Variants in MTHFD1 observed in about 807,000 individuals in gnomAD.
MTHFD1 encodes the protein C-1-tetrahydrofolate synthase, cytoplasmic.
A neutral mutation model predicts 110.3 loss-of-function variants in MTHFD1; 44 were observed. The ratio of observed to expected loss-of-function variants is 0.40; its 90% CI spans 0.31 to 0.51. MTHFD1 has a LOEUF of 0.51. MTHFD1 is among the 20% of genes least tolerant of loss of function. MTHFD1 has a pLI of 0.60. For missense variants in MTHFD1, 909 were observed against 1,173.1 expected, an observed-to-expected ratio of 0.77 and a Z score of 3.29; for synonymous variants, 402 against 428.8, an observed-to-expected ratio of 0.94 and a Z score of 0.77.
rs76766061 is a variant in MTHFD1, at chr14:64,408,198, A to G, written c.127-2892A>G. 6.5e-3 allele frequency among the ~76,000 whole-genome samples: 981 copies of G among 151,618 alleles called. 5 individuals carry two copies. The highest frequency in any genetic ancestry group is 0.022 in the African/African-American group (899 of 41,350). ...CAGAAAGTTTGCAGACTCCTGGTAT[A>G]AAAAAAAAGTGTCCCTAACCTGTTC... On this transcript the variant is annotated intron_variant, in intron 2 of 27. Coordinates refer to ENST00000652337, the MANE Select transcript of MTHFD1 (RefSeq NM_005956.4).
rs1177418440 is a variant in MTHFD1 at position 64,417,859 on chromosome 14, A to C, written c.479-29A>C. 15 of 1,611,768 alleles carry C rather than the reference A, an allele frequency of 9.3e-6. No individual in the cohort carries two copies. Among genetic ancestry groups the C allele is most frequent in the African/African-American group, 2.7e-5 (2 of 74,768 alleles). Reference sequence around the variant, plus strand: ...GAAGGAGGGCAGCTTCTATCCTCCAACTCTGATGCAGGCTGGCTTTTCTTT... The same window carrying C: ...GAAGGAGGGCAGCTTCTATCCTCCACCTCTGATGCAGGCTGGCTTTTCTTT... On this transcript the variant is annotated intron_variant, in intron 6 of 27. Transcript: ENST00000652337. The surrounding 1 kb of genome is among the most constrained non-coding windows in gnomAD (Gnocchi z 4.4).
intron 1 of MTHFD1, among the ~76,000 whole-genome samples, chr14:64,390,944 G>C (rs566273524): frequency 6.6e-6 from 1 of 151,608 alleles, no homozygotes. Context: ...CCACTGCACC[G>C]GTCCTAGAAT....
At chr14:64,392,084 CAA>C (rs1488356771) in intron 1 of MTHFD1, among the ~76,000 whole-genome samples, 2 of 152,184 alleles carry the variant, frequency 1.3e-5, no homozygotes, top group East Asian at 1.9e-4. Context: ...GACTTACGGG[CAA>C]AGACTTGAAG....
At chr14:64,389,285 G>C (rs554101235) in intron 1 of MTHFD1, among the ~76,000 whole-genome samples, 1 of 152,192 alleles carries the variant, frequency 6.6e-6, no homozygotes, top group South Asian at 2.1e-4. Flanking sequence ...ACCTTACTGA[G>C]TTTGCTCTTG....
intron 1 of MTHFD1, among the ~76,000 whole-genome samples, chr14:64,392,230 A>C (rs2077812105): frequency 6.6e-6 from 1 of 152,214 alleles, no homozygotes; most frequent in African/African-American, 2.4e-5. Flanking sequence ...TGGCCCTGTG[A>C]GAAGCTGACC....
At chr14:64,450,255 T>C (rs551154524) in intron 24 of MTHFD1, among the ~76,000 whole-genome samples, 1 of 152,364 alleles carries the variant, frequency 6.6e-6, no homozygotes, top group South Asian at 2.1e-4. Flanking sequence ...TGTAATTCAC[T>C]GTAGCCTTTA....
chr14:64,404,214 T>A (rs1000596521), intron 2 of MTHFD1, among the ~76,000 whole-genome samples: 12 of 152,214 alleles, frequency 7.9e-5, no homozygotes, highest in African/African-American at 2.7e-4. Context: ...AAATCTAGAT[T>A]TCTTCTGAGC....
At position 64,419,900 on chromosome 14, in the gene MTHFD1, C is replaced by T. The variant is rs185597571; in HGVS notation, c.702C>T (p.Ile234=). ...GGATCAAACCTGGGGCAATAGTCAT[C>T]GACTGTGGAATCAATTATGTCCCAG... is the stretch of plus-strand genomic sequence containing the variant. ...GEWIKPGAIV[I]DCGINYVPDD... Residue 234 remains isoleucine (I), a synonymous_variant, in exon 8 of 28, where the codon ATC becomes ATT. Coordinates refer to ENST00000652337, the MANE Select transcript of MTHFD1 (RefSeq NM_005956.4). 115 of 1,613,704 alleles carry T rather than the reference C, an allele frequency of 7.1e-5. No homozygotes were observed. The highest frequency in any genetic ancestry group is 5.2e-4 in the South Asian group (47 of 91,052).
intron 1 of MTHFD1, chr14:64,389,104 G>A (rs943090776): frequency 6.6e-6 from 1 of 152,346 alleles, no homozygotes; most frequent in African/African-American, 2.4e-5. Flanking sequence ...CTACCCTTGC[G>A]GGACATCTGA....
In MTHFD1 at chr14:64,459,966, T is replaced by G. The variant is rs1452445702; in HGVS notation, c.*212T>G. On this transcript the variant is annotated 3_prime_UTR_variant, in exon 28 of 28. Coordinates refer to ENST00000652337, the MANE Select transcript of MTHFD1 (RefSeq NM_005956.4). ...CATAAATCATGCATGTCTGTTTACT[T>G]TAGTGACGTTCCACAGAATAAAAGG... The G allele has an allele frequency of 1.3e-6, 2 of 1,501,782 alleles. No homozygotes were observed. Among genetic ancestry groups the G allele is most frequent in the East Asian group, 4.9e-5 (2 of 40,742 alleles). The allele number at this position is 1,501,782 out of a possible 1,614,324, so 93.0% of individuals were successfully genotyped here.
chr14:64,437,611 C>T (rs1474530674), intron 16 of MTHFD1, among the ~76,000 whole-genome samples: 1 of 152,200 alleles, frequency 6.6e-6, no homozygotes, highest in Admixed American at 6.5e-5. Flanking sequence ...AAGACTGCCC[C>T]ACTTCAGACA....
In MTHFD1 at chr14:64,446,726, T is replaced by C. The variant is rs576268423; in HGVS notation, c.2179-1491T>C. Among the ~76,000 whole-genome samples, 7 of 152,302 alleles carry C rather than the reference T, an allele frequency of 4.6e-5. No individual in the cohort carries two copies. In the South Asian group the frequency reaches 1.5e-3, roughly 32 times the overall value. On this transcript the variant is annotated intron_variant, in intron 22 of 27. Transcript: ENST00000652337. ...CCGGCTAATTTTTTTGTATTTTTAG[T>C]TGAGACGGGGTTTCACCGTGTTAGC... is the stretch of plus-strand genomic sequence containing the variant.
chr14:64,458,442 GA>G (rs1399272794), intron 27 of MTHFD1, 135 bp downstream of exon 27: 17 of 730,460 alleles, frequency 2.3e-5, no homozygotes, highest in Non-Finnish European at 4.0e-5. Flanking sequence ...TCCCTGAGGG[GA>G]GAGGGGATAG....
In MTHFD1 at chr14:64,415,758, A is replaced by G; in HGVS notation, c.478+19A>G. ...GAGACAGGTAAAAACAACAAACCAA[A>G]CAACAAGAAAGCACCATTTCCTGAA... On this transcript the variant is annotated intron_variant, in intron 6 of 27. Transcript: ENST00000652337. The G allele has an allele frequency of 6.2e-7, 1 of 1,611,598 alleles. No homozygotes were observed. Among genetic ancestry groups the G allele is most frequent in the Non-Finnish European group, 8.5e-7 (1 of 1,178,054 alleles).
chr14:64,439,419 A>C, intron 17 of MTHFD1: 1 of 550,314 alleles, frequency 1.8e-6, no homozygotes, highest in South Asian at 2.1e-5. Flanking sequence ...CCAAGTGAAT[A>C]TCCTTGCATA....
chr14:64,390,039 G>A (rs1433592781), intron 1 of MTHFD1, among the ~76,000 whole-genome samples: 1 of 152,192 alleles, frequency 6.6e-6, no homozygotes, highest in Admixed American at 6.5e-5. Context: ...GCAAATACAT[G>A]TATTGTCTTA....
chr14:64,399,456 C>T (rs188821942), intron 1 of MTHFD1, among the ~76,000 whole-genome samples: 22 of 151,978 alleles, frequency 1.4e-4, no homozygotes, highest in African/African-American at 4.6e-4. Context: ...GTCAGGAGTT[C>T]GAGACCAGCC....
At chr14:64,426,469 G>C (rs932941817) in intron 11 of MTHFD1, among the ~76,000 whole-genome samples, 7 of 152,092 alleles carry the variant, frequency 4.6e-5, no homozygotes, top group African/African-American at 1.7e-4. Context: ...TTTTGCTGTT[G>C]TTGTTGTTGT....
In MTHFD1 at chr14:64,388,385, G is replaced by T; in HGVS notation, c.-43G>T. The T allele has an allele frequency of 6.2e-7, 1 of 1,614,206 alleles. No homozygotes were observed. ...TTGGCTGCGGAGGGAGTGGAACCTC[G>T]ATATTGGTGGTGTCCATCGTGGGCA... On this transcript the variant is annotated 5_prime_UTR_variant, in exon 1 of 28. Transcript: ENST00000652337.
Sources: gnomAD v4.1 joint callset for allele counts (sites outside exome capture counted in the v4.1 genomes callset) on GRCh38, gnomAD v4.1.1 for gene constraint, Gnocchi (gnomAD v3.1) non-coding constraint, MANE v1.5 for transcripts, NCBI Gene and HGNC (gene_info 2026-07-23, HGNC 2026-07-21) for gene names.